Variants in ATP11B observed in about 807,000 individuals in gnomAD.
ATP11B encodes phospholipid-transporting ATPase IF.
In ATP11B, 81 loss-of-function variants were observed where a neutral mutation model predicts 157.8. The ratio of observed to expected loss-of-function variants is 0.51; its 90% CI spans 0.43 to 0.62. The LOEUF (loss-of-function observed/expected upper bound fraction) is 0.62. Among genes scored for constraint, ATP11B ranks in the 20% least tolerant of loss-of-function variants. ATP11B has a pLI of 0.00. For synonymous variants in ATP11B, 451 were observed against 469.4 expected, an observed-to-expected ratio of 0.96 and a Z score of 0.51; for missense variants, 1,165 against 1,402.2, an observed-to-expected ratio of 0.83 and a Z score of 2.70.
chr3:182,854,202 G>T (rs761608554), intron 10 of ATP11B, among the ~76,000 whole-genome samples: 1 of 152,192 alleles, frequency 6.6e-6, no homozygotes, highest in Non-Finnish European at 1.5e-5. Flanking sequence ...GGGCGCGGTG[G>T]CTCACACCAG....
chr3:182,844,993 T>A (rs1388712301), intron 8 of ATP11B, among the ~76,000 whole-genome samples: 2 of 105,088 alleles, frequency 1.9e-5, no homozygotes, highest in East Asian at 2.2e-4. Context: ...TTTTTTTTTT[T>A]ATTTTTTTTT....
At chr3:182,844,962 T>A (rs1390209923) in intron 8 of ATP11B, among the ~76,000 whole-genome samples, 1 of 150,740 alleles carries the variant, frequency 6.6e-6, no homozygotes, top group Non-Finnish European at 1.5e-5. Flanking sequence ...GTAACTAACA[T>A]CATGATTAGC....
intron 12 of ATP11B, among the ~76,000 whole-genome samples, chr3:182,861,808 A>G (rs1720859483): frequency 6.6e-6 from 1 of 152,092 alleles, no homozygotes; most frequent in Admixed American, 6.6e-5. Context: ...ATCTTTGGCT[A>G]TCATTTCAAA....
intron 10 of ATP11B, among the ~76,000 whole-genome samples, chr3:182,854,748 T>G (rs952080367): frequency 2.1e-5 from 3 of 145,246 alleles, no homozygotes; most frequent in African/African-American, 7.7e-5. Flanking sequence ...TATGTGCATG[T>G]GTTTACACAC....
At chr3:182,842,183 A>G (rs1455722852) in intron 8 of ATP11B, 61 bp downstream of exon 8, 9 of 1,192,116 alleles carry the variant, frequency 7.5e-6, no homozygotes, top group Admixed American at 2.0e-5. Context: ...GGGAGGGACT[A>G]GAAGTTCCAA....
chr3:182,841,056 C>T (rs1360308733), intron 7 of ATP11B, among the ~76,000 whole-genome samples: 1 of 152,056 alleles, frequency 6.6e-6, no homozygotes, highest in Non-Finnish European at 1.5e-5. Context: ...CCTGCCCATA[C>T]ACTGACCTCC....
chr3:182,899,881 C>CT (rs1216418548), intron 28 of ATP11B, among the ~76,000 whole-genome samples: 1 of 109,232 alleles, frequency 9.2e-6, no homozygotes, highest in South Asian at 2.5e-4. Flanking sequence ...CCTTTTAACT[C>CT]TATCGTATTG....
intron 24 of ATP11B, 144 bp from the exon 25 acceptor site, chr3:182,889,266 T>A (rs1424040585): frequency 3.4e-6 from 2 of 594,450 alleles, no homozygotes; most frequent in Admixed American, 7.6e-5. Context: ...TAAATTTGGA[T>A]TTATTTATTC....
chr3:182,854,752 T>TACACACACAC (rs71183649), intron 10 of ATP11B, among the ~76,000 whole-genome samples: 11 of 145,970 alleles, frequency 7.5e-5, no homozygotes, highest in African/African-American at 1.3e-4. Context: ...TGCATGTGTT[T>TACACACACAC]ACACACACAC....
intron 17 of ATP11B, among the ~76,000 whole-genome samples, chr3:182,870,263 TAAAAC>T (rs1483272526): frequency 2.6e-5 from 4 of 152,218 alleles, no homozygotes; most frequent in Admixed American, 6.5e-5. Context: ...GGAATCTTGT[TAAAAC>T]AAAGAGCCAT....
Position 182,866,343 on chromosome 3 carries a change from T to C in ATP11B, c.1519T>C (p.Cys507Arg), listed in dbSNP as rs1398602192. 4 of 1,613,940 alleles carry C rather than the reference T, an allele frequency of 2.5e-6. No homozygotes were observed. Among genetic ancestry groups the C allele is most frequent in the Non-Finnish European group, 3.4e-6 (4 of 1,179,862 alleles). The change falls in exon 14 of 30, where the codon TGC (cysteine) becomes CGC (arginine). Residue 507 changes from cysteine (C) to arginine (R), a missense_variant. Physicochemically the swap from Cys to Arg is radical, Grantham distance 180. Coordinates refer to ENST00000323116, the MANE Select transcript of ATP11B (RefSeq NM_014616.3). The part of the protein sequence containing the change: ...TVQISNVQTD[C>R]TGDGPWQSNL... ...ACAGATTAGCAATGTTCAAACTGAC[T>C]GCACTGGTGATGGTCCCTGGCAATC...
chr3:182,872,533 G>A lies in ATP11B; in HGVS notation c.2044G>A (p.Asp682Asn). Residue 682 changes from aspartate (D) to asparagine (N), a missense_variant, in exon 18 of 30, where the codon GAC becomes AAC. Asp to Asn is a conservative substitution (Grantham distance 23, BLOSUM62 1). Coordinates refer to ENST00000323116, the MANE Select transcript of ATP11B (RefSeq NM_014616.3). ...ATTACTTGGAGCCACAGCAGTAGAA[G>A]ACAGGTAAGTATCAGATAATTAAAA... ...LILLGATAVE[D>N]RLQDKVRETI... 6.2e-7 allele frequency: 1 copy of A among 1,604,360 alleles called. No individual in the cohort carries two copies. The highest frequency in any genetic ancestry group is 8.5e-7 in the Non-Finnish European group (1 of 1,176,560).
intron 1 of ATP11B, among the ~76,000 whole-genome samples, chr3:182,806,866 T>C (rs1427874714): frequency 2.0e-5 from 3 of 152,140 alleles, no homozygotes; most frequent in African/African-American, 4.8e-5. Context: ...ATACTACTAA[T>C]TGAACCTGAC....
intron 7 of ATP11B, among the ~76,000 whole-genome samples, chr3:182,840,413 C>T (rs1718915744): frequency 6.6e-6 from 1 of 152,222 alleles, no homozygotes; most frequent in African/African-American, 2.4e-5. Context: ...CACCCAACCT[C>T]CTGGCTTTAA....
rs1402793422 is a variant in ATP11B at position 182,865,531 on chromosome 3, G to A, written c.1276G>A (p.Gly426Ser). 1.9e-6 allele frequency: 3 copies of A among 1,613,582 alleles called. No homozygotes were observed. The highest frequency in any genetic ancestry group is 2.5e-6 in the Non-Finnish European group (3 of 1,179,816). ...GCAGTTTCGGGAATGTTCAATTAAT[G>A]GCATGAAATACCAAGAAATTAATGG... is the stretch of plus-strand genomic sequence containing the variant. ...EMQFRECSIN[G>S]MKYQEINGRL... The change falls in exon 13 of 30, where the codon GGC (glycine) becomes AGC (serine). Residue 426 changes from glycine to serine, a missense_variant. Around this residue, in one of 4 missense-constraint regions of ATP11B, gnomAD observed 737 missense variants for 930.5 expected, o/e 0.79. Transcript: ENST00000323116.
intron 2 of ATP11B, among the ~76,000 whole-genome samples, chr3:182,827,762 CT>C (rs767056609): frequency 6.6e-6 from 1 of 151,578 alleles, no homozygotes; most frequent in East Asian, 1.9e-4. Context: ...TCATATTTAT[CT>C]TTAGCATTAG....
intron 22 of ATP11B, among the ~76,000 whole-genome samples, chr3:182,885,632 T>G (rs1351210931): frequency 6.6e-6 from 1 of 152,160 alleles, no homozygotes; most frequent in Non-Finnish European, 1.5e-5. Context: ...TGAGTAAATC[T>G]TACTTATTGT....
chr3:182,869,432 G>T, intron 17 of ATP11B, 101 bp downstream of exon 17: 1 of 814,258 alleles, frequency 1.2e-6, no homozygotes, highest in Non-Finnish European at 1.9e-6. Flanking sequence ...TGGACATTCT[G>T]CAGTTGTGTT....
intron 11 of ATP11B, among the ~76,000 whole-genome samples, chr3:182,858,600 A>C (rs1720602740): frequency 1.3e-5 from 2 of 152,184 alleles, no homozygotes; most frequent in Admixed American, 1.3e-4. Flanking sequence ...AAATAATCAC[A>C]GGGTCGTATT....
Sources: allele counts gnomAD v4.1 joint callset (sites outside exome capture counted in the v4.1 genomes callset), GRCh38; gene constraint gnomAD v4.1.1; regional missense constraint gnomAD v4.1.1; transcripts MANE v1.5; gene names NCBI Gene and HGNC (gene_info 2026-07-23, HGNC 2026-07-21).